TULP4: variants seen among roughly 807,000 people sequenced by gnomAD.
TULP4 encodes the protein tubby-related protein 4.
In TULP4, 16 loss-of-function variants were observed where a neutral mutation model predicts 129.0. The observed-to-expected ratio is 0.12, with a 90% CI of 0.08 to 0.19. TULP4 has a LOEUF of 0.19. Among genes scored for constraint, TULP4 ranks in the 10% least tolerant of loss-of-function variants. The probability of loss-of-function intolerance (pLI) is 1.00; values close to 1 mark genes in which losing one functional copy is unlikely to be tolerated. For synonymous variants in TULP4, 998 were observed against 854.0 expected (o/e 1.17, Z -2.94); for missense variants, 1,842 against 2,059.1 (o/e 0.89, Z 2.04).
intron 1 of TULP4, among the ~76,000 whole-genome samples, chr6:158,346,049 T>C (rs778231806): frequency 6.6e-6 from 1 of 152,220 alleles, no homozygotes; most frequent in Non-Finnish European, 1.5e-5. Flanking sequence ...AAGAAAAATA[T>C]GGCTCCTTTT....
At chr6:158,251,710 A>C (rs1778144921) in intron 1 of TULP4, among the ~76,000 whole-genome samples, 1 of 152,232 alleles carries the variant, frequency 6.6e-6, no homozygotes, top group South Asian at 2.1e-4. Context: ...GCTCGCATGC[A>C]TTGAAGCTTT....
chr6:158,262,070 G>A (rs1225572122), intron 1 of TULP4, among the ~76,000 whole-genome samples: 1 of 152,218 alleles, frequency 6.6e-6, no homozygotes, highest in Non-Finnish European at 1.5e-5. Context: ...GATTCTGTTG[G>A]TGAGGAAGAA....
At chr6:158,338,543 C>T (rs1374297146) in intron 1 of TULP4, among the ~76,000 whole-genome samples, 1 of 152,162 alleles carries the variant, frequency 6.6e-6, no homozygotes, top group Non-Finnish European at 1.5e-5. Flanking sequence ...GTGAACCGTT[C>T]CAAAGCTGGG....
At chr6:158,267,513 A>G (rs1778467771) in intron 1 of TULP4, among the ~76,000 whole-genome samples, 1 of 152,198 alleles carries the variant, frequency 6.6e-6, no homozygotes, top group African/African-American at 2.4e-5. Context: ...GGATTCCAGA[A>G]GAAGGTCTTC....
chr6:158,315,728 C>G (rs1295057942), intron 1 of TULP4, among the ~76,000 whole-genome samples: 1 of 152,178 alleles, frequency 6.6e-6, no homozygotes, highest in Admixed American at 6.5e-5. Flanking sequence ...AGTCCAAGAT[C>G]AAGATGTTAG....
chr6:158,271,321 G>T (rs1778542351), intron 1 of TULP4, among the ~76,000 whole-genome samples: 1 of 152,084 alleles, frequency 6.6e-6, no homozygotes, highest in Non-Finnish European at 1.5e-5. Context: ...AATAGGTCCA[G>T]CTTCCTCAAG....
chr6:158,329,320 C>T (rs1191064331), intron 1 of TULP4, among the ~76,000 whole-genome samples: 1 of 152,072 alleles, frequency 6.6e-6, no homozygotes. Context: ...AAGCTCACTT[C>T]CAGCCTTTCT....
At chr6:158,232,901 A>G (rs1562487916) in intron 1 of TULP4, among the ~76,000 whole-genome samples, 1 of 152,172 alleles carries the variant, frequency 6.6e-6, no homozygotes, top group Non-Finnish European at 1.5e-5. Context: ...CTGCATGGAA[A>G]TCCCGGCGCT....
chr6:158,298,833 C>T (rs1779084284), intron 1 of TULP4, among the ~76,000 whole-genome samples: 2 of 152,140 alleles, frequency 1.3e-5, no homozygotes, highest in Non-Finnish European at 2.9e-5. Flanking sequence ...ATGTTCTGCG[C>T]CACAAAGAAG....
chr6:158,304,433 G>A (rs994325961), intron 1 of TULP4, among the ~76,000 whole-genome samples: 2 of 152,112 alleles, frequency 1.3e-5, no homozygotes, highest in Non-Finnish European at 2.9e-5. Flanking sequence ...AAACAGGTTT[G>A]TTTCTAATAA....
At chr6:158,472,392 T>G (rs901793364) in intron 6 of TULP4, among the ~76,000 whole-genome samples, 1 of 152,196 alleles carries the variant, frequency 6.6e-6, no homozygotes, top group Non-Finnish European at 1.5e-5. Context: ...ATCCCTACAG[T>G]ACCTCAGCAT....
chr6:158,422,865 G>A (rs1406947474), intron 2 of TULP4, among the ~76,000 whole-genome samples: 7 of 152,240 alleles, frequency 4.6e-5, no homozygotes, highest in African/African-American at 1.7e-4. Context: ...ACACACGTGG[G>A]GATATGTGGG....
At chr6:158,276,040 A>G (rs949668124) in intron 1 of TULP4, among the ~76,000 whole-genome samples, 1 of 151,968 alleles carries the variant, frequency 6.6e-6, no homozygotes, top group Non-Finnish European at 1.5e-5. Context: ...TGCAACCTCA[A>G]CTCACTGCAA....
chr6:158,458,961 T>G (rs2183217), intron 5 of TULP4, among the ~76,000 whole-genome samples: 27,233 of 152,224 alleles, frequency 0.18, 2,858 homozygotes, highest in Middle Eastern at 0.25. Flanking sequence ...GGCTCAGGAC[T>G]GCTTTATGCT....
intron 1 of TULP4, among the ~76,000 whole-genome samples, chr6:158,405,591 AGAGCAAGGAGCAAG>A (rs536431013): frequency 6.6e-6 from 1 of 152,174 alleles, no homozygotes. Flanking sequence ...CGATCCTGGG[AGAGCAAGGAGCAAG>A]GAGCAAGGAG....
rs554096735 is a variant in TULP4, at chr6:158,258,582, G to A, written n.68+26279G>A. Among the ~76,000 whole-genome samples the A allele has an allele frequency of 3.3e-5, 5 of 152,298 alleles. No individual in the cohort carries two copies. In the South Asian group the frequency reaches 1.0e-3, roughly 32 times the overall value. On this transcript the variant is annotated intron_variant and non_coding_transcript_variant, in intron 1 of 1. Coordinates refer to the TULP4 transcript ENST00000620026. ...CGTCCTTGCTGCAGTTTATAAAAAT[G>A]TTAGAGACACCACTCCAACAGTTAA...
chr6:158,434,818 C>T (rs996366251), intron 3 of TULP4, among the ~76,000 whole-genome samples: 2 of 152,162 alleles, frequency 1.3e-5, no homozygotes, highest in Non-Finnish European at 2.9e-5. Context: ...CCTGAGGCCA[C>T]TGAGGAAAGG....
intron 1 of TULP4, among the ~76,000 whole-genome samples, chr6:158,324,421 G>A (rs986975999): frequency 3.3e-5 from 5 of 152,310 alleles, no homozygotes; most frequent in African/African-American, 7.2e-5. Context: ...CTGTGGACCA[G>A]TGTGGTCAGG....
upstream of TULP4, among the ~76,000 whole-genome samples, chr6:158,280,510 C>T (rs1562504375): frequency 6.6e-6 from 1 of 152,188 alleles, no homozygotes; most frequent in Admixed American, 6.5e-5. Context: ...TTAACAAGTG[C>T]CTCATGCCAA....
Sources: gnomAD v4.1 joint callset for allele counts (sites outside exome capture counted in the v4.1 genomes callset) on GRCh38, gnomAD v4.1.1 for gene constraint, MANE v1.5 for transcripts, NCBI Gene and HGNC (gene_info 2026-07-23, HGNC 2026-07-21) for gene names.